Variants in WBP4 observed in about 807,000 individuals in gnomAD.
WBP4 encodes WW domain-binding protein 4.
Under a neutral mutation model 55.4 loss-of-function variants are expected in WBP4, and 37 were observed. That is an observed-to-expected ratio of 0.67 (90% CI 0.51 to 0.88). The LOEUF is 0.88. WBP4 is among the 40% of genes least tolerant of loss of function. The pLI, the probability that WBP4 is intolerant of heterozygous loss-of-function variation, is 0.00. For synonymous variants in WBP4, 142 were observed against 140.2 expected, an observed-to-expected ratio of 1.01 and a Z score of -0.09; for missense variants, 398 against 420.8, an observed-to-expected ratio of 0.95 and a Z score of 0.47.
At chr13:41,073,702 G>A (rs1490899120) in intron 7 of WBP4, among the ~76,000 whole-genome samples, 1 of 151,904 alleles carries the variant, frequency 6.6e-6, no homozygotes, top group Non-Finnish European at 1.5e-5. Context: ...CAGCTACTCA[G>A]GAGGCTGAGG....
rs942738941 is a variant in WBP4 at position 41,061,604 on chromosome 13, G to C, written c.-70G>C. The C allele has an allele frequency of 6.2e-7, 1 of 1,613,220 alleles. No individual in the cohort carries two copies. Among genetic ancestry groups the C allele is most frequent in the Non-Finnish European group, 8.5e-7 (1 of 1,179,710 alleles). ...GGGCATCGGGCGGCTGGAAGAGCTCGACTCGTCCCGCTGGGAAAGCGCGAG... is the reference window on the plus strand; with the variant it reads ...GGGCATCGGGCGGCTGGAAGAGCTCCACTCGTCCCGCTGGGAAAGCGCGAG... On this transcript the variant is annotated 5_prime_UTR_variant, in exon 1 of 10. Coordinates refer to ENST00000379487, the MANE Select transcript of WBP4 (RefSeq NM_007187.5).
intron 9 of WBP4, among the ~76,000 whole-genome samples, chr13:41,081,272 G>A (rs906123517): frequency 2.0e-5 from 3 of 151,888 alleles, no homozygotes; most frequent in Admixed American, 6.6e-5. Flanking sequence ...GCCAAGGCAG[G>A]CAGATCAACT....
At chr13:41,070,308 T>C (rs1239545709) in intron 5 of WBP4, among the ~76,000 whole-genome samples, 1 of 152,036 alleles carries the variant, frequency 6.6e-6, no homozygotes, top group African/African-American at 2.4e-5. Context: ...GTAGACACTC[T>C]GTGTTTTGAT....
chr13:41,072,148 C>A (rs1462235908), intron 6 of WBP4, among the ~76,000 whole-genome samples: 2 of 151,886 alleles, frequency 1.3e-5, no homozygotes, highest in East Asian at 3.9e-4. Context: ...TGTTCCTGTC[C>A]ATTTGGAAGG....
intron 2 of WBP4, among the ~76,000 whole-genome samples, chr13:41,064,088 G>C (rs181695070): frequency 1.4e-4 from 21 of 149,194 alleles, no homozygotes; most frequent in African/African-American, 4.9e-4. Context: ...TCATTTTCTT[G>C]CCTATCCTTC....
At chr13:41,068,866 G>A (rs1878102784) in intron 5 of WBP4, 129 bp downstream of exon 5, 2 of 1,045,238 alleles carry the variant, frequency 1.9e-6, no homozygotes, top group Non-Finnish European at 2.5e-6. Context: ...TTTCATTTTT[G>A]CCCCAAAGGT....
chr13:41,079,887 C>T (rs1052491267), intron 8 of WBP4, among the ~76,000 whole-genome samples: 2 of 152,142 alleles, frequency 1.3e-5, no homozygotes, highest in Non-Finnish European at 1.5e-5. Flanking sequence ...GAATACTACT[C>T]AGCCATAAAA....
At chr13:41,074,026 G>A (rs1418034647) in intron 7 of WBP4, among the ~76,000 whole-genome samples, 1 of 151,608 alleles carries the variant, frequency 6.6e-6, no homozygotes, top group Non-Finnish European at 1.5e-5. Flanking sequence ...TGCCCCCTGG[G>A]GTTCATGCCA....
At chr13:41,073,542 C>T (rs1023486153) in intron 7 of WBP4, among the ~76,000 whole-genome samples, 2 of 151,046 alleles carry the variant, frequency 1.3e-5, no homozygotes, top group Non-Finnish European at 2.9e-5. Context: ...AGGCTAGGCG[C>T]GGTGGCTCAC....
rs1404010550 is a variant in WBP4, at chr13:41,083,928, TATA to T, written c.*1018_*1020del. 11 of 152,216 alleles carry T rather than the reference TATA, an allele frequency of 7.2e-5. No individual in the cohort carries two copies. The highest frequency in any genetic ancestry group is 2.2e-4 in the African/African-American group (9 of 41,466). 9.4% of individuals were successfully genotyped at this position (152,216 alleles called of 1,614,324 possible). On this transcript the variant is annotated 3_prime_UTR_variant, in exon 10 of 10. Coordinates refer to ENST00000379487, the MANE Select transcript of WBP4 (RefSeq NM_007187.5). ...CTCATAAATTGTATAGTATTTAACT[TATA>T]ATAGTTAATATTTGTCTTTTTAAGA...
At chr13:41,071,685 C>A in intron 6 of WBP4, 112 bp downstream of exon 6, 1 of 920,572 alleles carries the variant, frequency 1.1e-6, no homozygotes, top group Non-Finnish European at 1.7e-6. Flanking sequence ...CCACTCCCTC[C>A]ACCCCCAAAC....
chr13:41,072,161 T>C (rs1878280783), intron 6 of WBP4, among the ~76,000 whole-genome samples: 1 of 152,110 alleles, frequency 6.6e-6, no homozygotes, highest in Non-Finnish European at 1.5e-5. Flanking sequence ...TTGGAAGGAA[T>C]TGTTCCTGGC....
At position 41,083,100 on chromosome 13, in the gene WBP4, A is replaced by G. The variant is rs774752307; in HGVS notation, c.*186A>G. On this transcript the variant is annotated 3_prime_UTR_variant, in exon 10 of 10. Transcript: ENST00000379487. ...ATTTTGGTTCCTAAAATGGAAGCCTACCACATTGCATTGTAATACAGTGTA... is the reference window on the plus strand; with the variant it reads ...ATTTTGGTTCCTAAAATGGAAGCCTGCCACATTGCATTGTAATACAGTGTA... The G allele has an allele frequency of 2.5e-4, 147 of 596,542 alleles. No homozygotes were observed. The highest frequency in any genetic ancestry group is 3.4e-4 in the Non-Finnish European group (119 of 352,090). The allele number at this position is 596,542 out of a possible 1,614,324, so 37.0% of individuals were successfully genotyped here.
chr13:41,061,642 C>T lies in WBP4; in HGVS notation c.-32C>T, dbSNP rs560862895. ...GGGAAAGCGCGAGTCTGAGTGGAACCCTGGACGACTTGCAGAGCGGCTGGC... is the reference window on the plus strand; with the variant it reads ...GGGAAAGCGCGAGTCTGAGTGGAACTCTGGACGACTTGCAGAGCGGCTGGC... On this transcript the variant is annotated 5_prime_UTR_variant, in exon 1 of 10. Transcript: ENST00000379487. The T allele has an allele frequency of 1.9e-6, 3 of 1,614,124 alleles. No individual in the cohort carries two copies. Among genetic ancestry groups the T allele is most frequent in the South Asian group, 2.2e-5 (2 of 91,078 alleles).
At chr13:41,067,352 C>G (rs1258464990) in intron 4 of WBP4, among the ~76,000 whole-genome samples, 1 of 152,208 alleles carries the variant, frequency 6.6e-6, no homozygotes, top group Non-Finnish European at 1.5e-5. Flanking sequence ...TTCTGCAAAA[C>G]AACAACAAAA....
At chr13:41,078,537 C>T (rs943297217) in intron 8 of WBP4, among the ~76,000 whole-genome samples, 3 of 152,048 alleles carry the variant, frequency 2.0e-5, no homozygotes, top group Non-Finnish European at 1.5e-5. Context: ...TATAAAAACC[C>T]TAGAAGGAGG....
intron 7 of WBP4, among the ~76,000 whole-genome samples, chr13:41,073,734 G>A (rs939220907): frequency 1.3e-5 from 2 of 151,966 alleles, no homozygotes; most frequent in African/African-American, 4.8e-5. Context: ...TTGAACCCAG[G>A]AGGTAGAGGT....
intron 8 of WBP4, among the ~76,000 whole-genome samples, chr13:41,079,056 T>C (rs1268758547): frequency 2.0e-5 from 3 of 152,030 alleles, no homozygotes; most frequent in Admixed American, 2.0e-4. Context: ...TTGCAAACTA[T>C]GCATCCAACA....
chr13:41,072,801 G>A lies in WBP4; in HGVS notation c.506G>A (p.Trp169Ter). Reference sequence around the variant, plus strand: ...TATTAGACAGCAGTGAAGACCGTTTGGGTAGAAGGTTTAAGTGAAGATGGT... The same window carrying A: ...TATTAGACAGCAGTGAAGACCGTTTAGGTAGAAGGTTTAAGTGAAGATGGT... ...DLKKTAVKTV[W>*]VEGLSEDGFT... is the part of the protein sequence containing the mutation. Residue 169 changes from tryptophan (W) to a stop codon, truncating the protein, a stop_gained, in exon 7 of 10, where the codon TGG becomes TAG. Coordinates refer to ENST00000379487, the MANE Select transcript of WBP4 (RefSeq NM_007187.5). LOFTEE classifies it high-confidence loss of function. 1 of 1,613,434 alleles carries A rather than the reference G, an allele frequency of 6.2e-7. No individual in the cohort carries two copies. Among genetic ancestry groups the A allele is most frequent in the Non-Finnish European group, 8.5e-7 (1 of 1,179,668 alleles).
Sources: gnomAD v4.1 joint callset for allele counts (sites outside exome capture counted in the v4.1 genomes callset) on GRCh38, gnomAD v4.1.1 for gene constraint, MANE v1.5 for transcripts, NCBI Gene and HGNC (gene_info 2026-07-23, HGNC 2026-07-21) for gene names.